The following FRG1 variants were observed in gnomAD, a reference collection of about 807,000 sequenced individuals.
The protein encoded by FRG1 is protein FRG1.
FRG1 carries 19 observed loss-of-function variants against 37.0 expected under a neutral mutation model. The observed-to-expected ratio is 0.51, with a 90% confidence interval of 0.36 to 0.75. The LOEUF is 0.75. Among genes scored for constraint, FRG1 ranks in the 30% least tolerant of loss-of-function variants. The probability of loss-of-function intolerance (pLI) is 0.00; values close to 1 mark genes in which losing one functional copy is unlikely to be tolerated. For synonymous variants in FRG1, 73 were observed against 96.5 expected (o/e 0.76, Z 1.43); for missense variants, 243 against 301.4 (o/e 0.81, Z 1.44).
rs1387015152 is a variant in FRG1 at position 189,952,206 on chromosome 4, A to G, written c.178A>G (p.Ile60Val). 3.7e-6 allele frequency: 6 copies of G among 1,604,096 alleles called. No homozygotes were observed. The South Asian group carries it at 4.5e-5, about 12-fold the overall frequency. ...AAACTTTGGTGAAATTTCAGGAACC[A>G]TAGCCATTGAAATGGATAAGGGAAC... ...VTNFGEISGTIAIEMDKGTYI... is the reference protein window; with the variant it reads ...VTNFGEISGTVAIEMDKGTYI... The change falls in exon 3 of 9, where the codon ATA becomes GTA. Residue 60 changes from isoleucine to valine, a missense_variant. Around this residue, in one of 2 missense-constraint regions of FRG1, gnomAD observed 110 missense variants for 102.2 expected, o/e 1.08. Transcript: ENST00000226798.
intron 1 of FRG1, among the ~76,000 whole-genome samples, chr4:189,942,290 A>C (rs1012573185): frequency 6.6e-6 from 1 of 152,146 alleles, no homozygotes; most frequent in Non-Finnish European, 1.5e-5. Flanking sequence ...TTTTTAGTAT[A>C]TATTCAAGAG....
Position 189,961,866 on chromosome 4 carries a change from A to G in FRG1, c.674A>G (p.Lys225Arg). The G allele has an allele frequency of 6.3e-7, 1 of 1,597,918 alleles. No homozygotes were observed. Among genetic ancestry groups the G allele is most frequent in the South Asian group, 1.1e-5 (1 of 87,332 alleles). Residue 225 changes from lysine to arginine, a missense_variant, in exon 8 of 9, where the codon AAA (lysine) becomes AGA (arginine). Lys to Arg is a conservative substitution (Grantham distance 26). Transcript: ENST00000226798. Reference sequence around the variant, plus strand: ...CAAGACCACAAACTTAAAATAAGTAAAGAAGACAGTAAAATTCTTAAAAAG... The same window carrying G: ...CAAGACCACAAACTTAAAATAAGTAGAGAAGACAGTAAAATTCTTAAAAAG... ...SFQDHKLKISKEDSKILKKAR... is the reference protein window; with the variant it reads ...SFQDHKLKISREDSKILKKAR...
chr4:189,959,254 A>G (rs11736960), intron 6 of FRG1, among the ~76,000 whole-genome samples: 53,293 of 152,084 alleles, frequency 0.35, 9,794 homozygotes, highest in African/African-American at 0.47. Flanking sequence ...GTATTTTCTT[A>G]CAGAAGGGAA....
intron 5 of FRG1, among the ~76,000 whole-genome samples, chr4:189,955,546 T>C (rs1224839159): frequency 6.6e-6 from 1 of 152,122 alleles, no homozygotes. Context: ...TGACAATTTG[T>C]GCATAAAATA....
intron 6 of FRG1, among the ~76,000 whole-genome samples, chr4:189,959,688 A>G (rs1737146605): frequency 6.6e-6 from 1 of 152,256 alleles, no homozygotes; most frequent in Non-Finnish European, 1.5e-5. Flanking sequence ...CACTTATACA[A>G]AGATACAAAG....
At chr4:189,961,036 A>G (rs1737206210) in intron 7 of FRG1, 197 bp downstream of exon 7, 2 of 557,414 alleles carry the variant, frequency 3.6e-6, no homozygotes, top group Non-Finnish European at 6.3e-6. Context: ...ACTGCCTTCC[A>G]GCCTGGGTGG....
chr4:189,946,271 T>C (rs984199420), intron 2 of FRG1, among the ~76,000 whole-genome samples: 3 of 137,146 alleles, frequency 2.2e-5, no homozygotes, highest in Non-Finnish European at 4.9e-5. Flanking sequence ...GGAATTGTCT[T>C]GGGCCACACA....
intron 2 of FRG1, among the ~76,000 whole-genome samples, chr4:189,951,257 A>G (rs961547647): frequency 6.6e-6 from 1 of 152,216 alleles, no homozygotes. Context: ...TGGGAGGCAG[A>G]GGCGGGTGGA....
At chr4:189,948,981 A>T (rs1363708045) in intron 2 of FRG1, among the ~76,000 whole-genome samples, 1 of 152,200 alleles carries the variant, frequency 6.6e-6, no homozygotes, top group Non-Finnish European at 1.5e-5. Flanking sequence ...CATGCCAGAC[A>T]TATGTAAACA....
At chr4:189,954,843 G>C (rs374805053) in intron 4 of FRG1, among the ~76,000 whole-genome samples, 194 bp from the exon 5 acceptor site, 1 of 151,892 alleles carries the variant, frequency 6.6e-6, no homozygotes, top group African/African-American at 2.4e-5. Context: ...CAATTCTCCC[G>C]TTGGCTTCCC....
At chr4:189,945,473 T>C (rs1285766096) in intron 2 of FRG1, among the ~76,000 whole-genome samples, 1 of 152,260 alleles carries the variant, frequency 6.6e-6, no homozygotes, top group Non-Finnish European at 1.5e-5. Context: ...TGTTTAATGC[T>C]GTCAGATGCC....
At chr4:189,960,960 CG>C in intron 7 of FRG1, 121 bp downstream of exon 7, 3 of 1,117,718 alleles carry the variant, frequency 2.7e-6, no homozygotes, top group Non-Finnish European at 3.7e-6. Flanking sequence ...CCCAGCTACT[CG>C]GGAGGCTGAG....
At chr4:189,952,377 T>G in intron 3 of FRG1, 90 bp downstream of exon 3, 1 of 1,240,890 alleles carries the variant, frequency 8.1e-7, no homozygotes, top group Non-Finnish European at 1.2e-6. Context: ...CTCAAACATT[T>G]TCCAAAGGAA....
In FRG1 at chr4:189,940,932, C is replaced by T. The variant is rs1183308033; in HGVS notation, c.-78C>T. On this transcript the variant is annotated 5_prime_UTR_variant, in exon 1 of 9. Transcript: ENST00000226798. ...TATTTCGCGTCCGCTTCTGTTTCTC[C>T]GCGCCCCTGTGCTGCCCCGACTCAC... The T allele has an allele frequency of 1.7e-6, 2 of 1,147,000 alleles. No individual in the cohort carries two copies. Among genetic ancestry groups the T allele is most frequent in the Non-Finnish European group, 2.6e-6 (2 of 776,446 alleles). 71.1% of individuals were successfully genotyped at this position (1,147,000 alleles called of 1,614,324 possible). A position where few individuals can be genotyped will look rare whatever the true frequency, so the allele number is the denominator to read the frequency against.
chr4:189,959,508 C>T (rs544967696), intron 6 of FRG1, among the ~76,000 whole-genome samples: 6,041 of 152,230 alleles, frequency 0.04, 389 homozygotes, highest in African/African-American at 0.14. Flanking sequence ...TTTCATAGCA[C>T]ATTGCTTCTC....
At chr4:189,958,007 C>T (rs551598937) in intron 6 of FRG1, among the ~76,000 whole-genome samples, 55 of 151,704 alleles carry the variant, frequency 3.6e-4, no homozygotes, top group Admixed American at 3.5e-3. Flanking sequence ...AACTGTTTTA[C>T]GCTAAAGGTA....
chr4:189,950,900 T>C (rs1736725032), intron 2 of FRG1, among the ~76,000 whole-genome samples: 1 of 152,180 alleles, frequency 6.6e-6, no homozygotes, highest in South Asian at 2.1e-4. Context: ...TATGTCTTTC[T>C]GTCATCACCT....
At chr4:189,958,676 TAC>T (rs1318445330) in intron 6 of FRG1, among the ~76,000 whole-genome samples, 1 of 152,264 alleles carries the variant, frequency 6.6e-6, no homozygotes. Context: ...TTGTAAAAGT[TAC>T]ACAGACATCT....
chr4:189,957,579 C>A lies in FRG1; in HGVS notation c.537+77C>A. ...GTATCTCTTTAAAATGTTAAATGGTCATTTACTGTCACTTTAAAGATTTAC... is the reference window on the plus strand; with the variant it reads ...GTATCTCTTTAAAATGTTAAATGGTAATTTACTGTCACTTTAAAGATTTAC... On this transcript the variant is annotated intron_variant, in intron 6 of 8. Transcript: ENST00000226798. The A allele has an allele frequency of 3.3e-6, 4 of 1,217,762 alleles. No homozygotes were observed. In the South Asian group the frequency reaches 5.3e-5, roughly 16 times the overall value. The allele number at this position is 1,217,762 out of a possible 1,614,324, so 75.4% of individuals were successfully genotyped here.
Sources: allele counts gnomAD v4.1 joint callset (sites outside exome capture counted in the v4.1 genomes callset), GRCh38; gene constraint gnomAD v4.1.1; regional missense constraint gnomAD v4.1.1; transcripts MANE v1.5; gene names NCBI Gene and HGNC (gene_info 2026-07-23, HGNC 2026-07-21).